Variants in TMTC4 observed in about 807,000 individuals in gnomAD.
TMTC4 encodes protein O-mannosyl-transferase TMTC4.
A neutral mutation model predicts 86.0 loss-of-function variants in TMTC4; 65 were observed. The ratio of observed to expected loss-of-function variants is 0.76; its 90% CI spans 0.62 to 0.93. The LOEUF (loss-of-function observed/expected upper bound fraction) is 0.93. TMTC4 is among the 40% of genes least tolerant of loss of function. The probability of loss-of-function intolerance (pLI) is 0.00; values close to 1 mark genes in which losing one functional copy is unlikely to be tolerated. For missense variants in TMTC4, 866 were observed against 948.1 expected (o/e 0.91, Z 1.14); for synonymous variants, 379 against 382.5 (o/e 0.99, Z 0.11).
At chr13:100,644,550 T>C (rs188558599) in intron 6 of TMTC4, among the ~76,000 whole-genome samples, 208 of 152,310 alleles carry the variant, frequency 1.4e-3, no homozygotes, top group African/African-American at 4.9e-3. Context: ...CTTGCAGCTA[T>C]ACAGCTGGGC....
chr13:100,642,554 A>ACAT (rs1176996278), intron 6 of TMTC4, among the ~76,000 whole-genome samples: 2 of 152,100 alleles, frequency 1.3e-5, no homozygotes, highest in Admixed American at 6.5e-5. Flanking sequence ...CACTGTCATG[A>ACAT]AGCCCTGGCC....
chr13:100,649,807 A>G (rs1407016830), intron 6 of TMTC4, among the ~76,000 whole-genome samples: 2 of 151,524 alleles, frequency 1.3e-5, no homozygotes, highest in African/African-American at 2.4e-5. Flanking sequence ...AAATTACTTA[A>G]TATTTAAAAA....
At chr13:100,650,395 T>C (rs1884281926) in intron 6 of TMTC4, among the ~76,000 whole-genome samples, 1 of 152,262 alleles carries the variant, frequency 6.6e-6, no homozygotes, top group Admixed American at 6.5e-5. Context: ...ATCCATTTAA[T>C]GAAGCACGTG....
rs548792429 is a variant in TMTC4 at position 100,643,860 on chromosome 13, C to T, written c.641-1549G>A. Among the ~76,000 whole-genome samples the T allele has an allele frequency of 1.7e-3, 259 of 152,228 alleles. 2 individuals are homozygous for T. Among genetic ancestry groups the T allele is most frequent in the African/African-American group, 6.0e-3 (250 of 41,532 alleles). On this transcript the variant is annotated intron_variant, in intron 6 of 18. Coordinates refer to ENST00000342624, the MANE Select transcript of TMTC4 (RefSeq NM_032813.5). The stretch of plus-strand genomic sequence containing the variant: ...TGCAGTAGTCAAGTGGGTGGCTGAT[C>T]AGCCACTGTGCCACAAAATGTGCCA...
At position 100,652,396 on chromosome 13, in the gene TMTC4, T is replaced by G. The variant is rs1043445300; in HGVS notation, c.640+3985A>C. ...TGGGAGGCTGAGGCAGGAGAATCAC[T>G]TGAACCTGGGAGGCAGAGGTTGCAG... is the stretch of plus-strand genomic sequence containing the variant. On this transcript the variant is annotated intron_variant, in intron 6 of 18. Coordinates refer to ENST00000342624, the MANE Select transcript of TMTC4 (RefSeq NM_032813.5). Among the ~76,000 whole-genome samples, 7 of 152,170 alleles carry G rather than the reference T, an allele frequency of 4.6e-5. No individual in the cohort carries two copies. The Middle Eastern group carries it at 0.01, about 222-fold the overall frequency.
intron 7 of TMTC4, among the ~76,000 whole-genome samples, chr13:100,640,810 CA>C (rs55847448): frequency 0.012 from 1,076 of 90,046 alleles, 7 homozygotes; most frequent in African/African-American, 0.033. Flanking sequence ...GGCTCTGTCT[CA>C]AAAAAAAAAA....
chr13:100,658,454 C>A (rs369313327), intron 5 of TMTC4, among the ~76,000 whole-genome samples: 8 of 151,968 alleles, frequency 5.3e-5, no homozygotes, highest in African/African-American at 1.9e-4. Context: ...GGAATCCCAA[C>A]CCTTTAGAGA....
At chr13:100,667,392 G>A (rs773018101) in intron 3 of TMTC4, among the ~76,000 whole-genome samples, 6 of 152,076 alleles carry the variant, frequency 3.9e-5, no homozygotes, top group Admixed American at 6.5e-5. Flanking sequence ...TCGTGACACT[G>A]TGCTCCAGCC....
intron 16 of TMTC4, among the ~76,000 whole-genome samples, chr13:100,613,121 T>C (rs368357546): frequency 1.0e-3 from 152 of 152,342 alleles, no homozygotes; most frequent in African/African-American, 3.4e-3. Context: ...TCACATCTTC[T>C]AGTTCTTGTG....
At chr13:100,631,968 C>T (rs957923649) in intron 12 of TMTC4, among the ~76,000 whole-genome samples, 19 of 148,112 alleles carry the variant, frequency 1.3e-4, no homozygotes, top group African/African-American at 4.7e-4. Context: ...CCACTGGGTC[C>T]ATTTTGAAGA....
At chr13:100,663,253 A>G in intron 4 of TMTC4, 73 bp from the exon 5 acceptor site, 2 of 1,331,252 alleles carry the variant, frequency 1.5e-6, no homozygotes, top group Non-Finnish European at 2.1e-6. Context: ...TCTGGAGGAG[A>G]AGGCTTGTGT....
intron 12 of TMTC4, among the ~76,000 whole-genome samples, chr13:100,632,053 ACTCTCTCTCTCTCT>A (rs67759381): frequency 2.6e-4 from 11 of 43,108 alleles, no homozygotes; most frequent in Admixed American, 4.8e-4. Context: ...ACACACACAC[ACTCTCTCTCTCTCT>A]CTCTCTCTCT....
chr13:100,616,446 C>T (rs1191896291), intron 15 of TMTC4, among the ~76,000 whole-genome samples: 2 of 152,186 alleles, frequency 1.3e-5, no homozygotes, highest in African/African-American at 4.8e-5. Flanking sequence ...CGTAATCCAC[C>T]TGCCTCGGAC....
intron 6 of TMTC4, among the ~76,000 whole-genome samples, chr13:100,646,019 T>C (rs769888576): frequency 3.3e-5 from 5 of 152,086 alleles, no homozygotes; most frequent in Admixed American, 6.5e-5. Context: ...TTGAGAACCA[T>C]TGCCCTAAAC....
rs373639668 is a variant in TMTC4, at chr13:100,637,713, A to G, written c.835-11T>C. ...GAGCATGCCGAGATTCTGCAAGGAC[A>G]TCGCAAAGCCCCAGAGGTGGCTGAT... On this transcript the variant is annotated splice_polypyrimidine_tract_variant and intron_variant, in intron 8 of 18. Coordinates refer to ENST00000342624, the MANE Select transcript of TMTC4 (RefSeq NM_032813.5). 3.1e-6 allele frequency: 5 copies of G among 1,612,748 alleles called. No homozygotes were observed. Among genetic ancestry groups the G allele is most frequent in the Non-Finnish European group, 4.2e-6 (5 of 1,178,950 alleles).
In TMTC4 at chr13:100,674,732, C is replaced by T. The variant is rs1887629051; in HGVS notation, c.-208+12G>A. The T allele has an allele frequency of 1.0e-6, 1 of 983,448 alleles. No homozygotes were observed. 60.9% of individuals were successfully genotyped at this position (983,448 alleles called of 1,614,324 possible). On this transcript the variant is annotated intron_variant, in intron 1 of 18. Transcript: ENST00000342624. ...GCGCGCTCGGCCCTGCAGGGGCCGC[C>T]CCGCGCGTTACCTGCAAGGAGCCTG...
intron 15 of TMTC4, among the ~76,000 whole-genome samples, chr13:100,620,424 G>A (rs184978981): frequency 2.0e-5 from 3 of 152,290 alleles, no homozygotes; most frequent in East Asian, 1.9e-4. Flanking sequence ...TCCAGAGATT[G>A]TAACCTCTTG....
chr13:100,662,859 C>G, intron 5 of TMTC4, 105 bp downstream of exon 5: 3 of 1,219,824 alleles, frequency 2.5e-6, no homozygotes, highest in Non-Finnish European at 3.6e-6. Flanking sequence ...AGCTCTGGAA[C>G]CAAGATGGGT....
chr13:100,671,093 T>A (rs1038699641), intron 1 of TMTC4, among the ~76,000 whole-genome samples: 2 of 152,234 alleles, frequency 1.3e-5, no homozygotes, highest in African/African-American at 4.8e-5. Flanking sequence ...AATAGAGTCA[T>A]GAGCTGACAA....
Sources: gnomAD v4.1 joint callset for allele counts (sites outside exome capture counted in the v4.1 genomes callset) on GRCh38, gnomAD v4.1.1 for gene constraint, MANE v1.5 for transcripts, NCBI Gene and HGNC (gene_info 2026-07-23, HGNC 2026-07-21) for gene names.